The following SYN3 variants were observed in gnomAD, a reference collection of about 807,000 sequenced individuals.
The protein encoded by SYN3 is synapsin-3.
A neutral mutation model predicts 65.8 loss-of-function variants in SYN3; 35 were observed. The ratio of observed to expected loss-of-function variants is 0.53; its 90% confidence interval spans 0.41 to 0.70. SYN3 has a LOEUF of 0.70. Among genes scored for constraint, SYN3 ranks in the 30% least tolerant of loss-of-function variants. SYN3 has a pLI of 0.00. For synonymous variants in SYN3, 270 were observed against 292.9 expected, an observed-to-expected ratio of 0.92 and a Z score of 0.80; for missense variants, 680 against 749.0, an observed-to-expected ratio of 0.91 and a Z score of 1.08.
intron 6 of SYN3, among the ~76,000 whole-genome samples, chr22:32,719,073 T>C (rs1049436124): frequency 6.6e-6 from 1 of 152,230 alleles, no homozygotes; most frequent in African/African-American, 2.4e-5. Flanking sequence ...ACCTTCTCTA[T>C]GAAGCCTTCC....
At chr22:32,709,301 A>G (rs1230485977) in intron 6 of SYN3, among the ~76,000 whole-genome samples, 1 of 152,250 alleles carries the variant, frequency 6.6e-6, no homozygotes, top group African/African-American at 2.4e-5. Context: ...GCATCAAACC[A>G]AGAATAGGAA....
At chr22:32,915,967 T>C (rs573049445) in intron 4 of SYN3, among the ~76,000 whole-genome samples, 54 of 152,308 alleles carry the variant, frequency 3.5e-4, no homozygotes, top group Admixed American at 1.2e-3. Context: ...GTGCCTGTCT[T>C]TGACCACTAG....
At chr22:32,707,698 T>A (rs1279635978) in intron 6 of SYN3, among the ~76,000 whole-genome samples, 1 of 152,080 alleles carries the variant, frequency 6.6e-6, no homozygotes, top group Admixed American at 6.5e-5. Flanking sequence ...CCTTTTCCTA[T>A]CTGTGTCAAT....
intron 6 of SYN3, among the ~76,000 whole-genome samples, chr22:32,663,280 C>A (rs5754194): frequency 0.35 from 53,056 of 150,934 alleles, 11,888 homozygotes; most frequent in East Asian, 0.74. Flanking sequence ...TAAGCCCATT[C>A]AACTTGTTTT....
At chr22:33,007,317 TAAAAG>T (rs1030221381) in intron 1 of SYN3, among the ~76,000 whole-genome samples, 5 of 152,192 alleles carry the variant, frequency 3.3e-5, no homozygotes, top group Admixed American at 2.6e-4. Context: ...ACTTTGGAAA[TAAAAG>T]AAATCAAAGT....
At chr22:32,528,755 C>T in intron 11 of SYN3, 119 bp downstream of exon 11, 1 of 1,414,322 alleles carries the variant, frequency 7.1e-7, no homozygotes, top group African/African-American at 1.4e-5. Context: ...ACCCCCATTC[C>T]TTCTCCCCAA....
rs117151324 is a variant in SYN3, at chr22:32,711,831, G to A, written c.712-115095C>T. 2.6e-3 allele frequency among the ~76,000 whole-genome samples: 403 copies of A among 152,228 alleles called. No homozygotes were observed. In the Middle Eastern group the frequency reaches 0.027, roughly 10 times the overall value. ...TAATACCAAGTTCAAACATCTTCTC[G>A]GAAATGCTTGCTTCCAGGAGTTGGT... is the stretch of plus-strand genomic sequence containing the variant. On this transcript the variant is annotated intron_variant, in intron 6 of 13. Transcript: ENST00000358763.
chr22:32,940,455 AG>A (rs2050904792), intron 3 of SYN3, among the ~76,000 whole-genome samples: 1 of 152,144 alleles, frequency 6.6e-6, no homozygotes, highest in African/African-American at 2.4e-5. Flanking sequence ...AAGGTCATGT[AG>A]GCACTCTCAG....
In SYN3 at chr22:32,891,977, C is replaced by CTAATAATAATAA. The variant is rs57171093; in HGVS notation, c.462-22864_462-22853dup. On this transcript the variant is annotated intron_variant, in intron 4 of 13. Coordinates refer to ENST00000358763, the MANE Select transcript of SYN3 (RefSeq NM_003490.4). Reference sequence around the variant, plus strand: ...GTATTGTTTCAAGATTCCTTTTTAGCTAATAATAATAATAATAATAATAAT... The same window carrying CTAATAATAATAA: ...GTATTGTTTCAAGATTCCTTTTTAGCTAATAATAATAATAATAATAATAATAATAATAATAAT... 3.5e-3 allele frequency among the ~76,000 whole-genome samples: 518 copies of CTAATAATAATAA among 148,288 alleles called. 2 individuals carry two copies. The highest frequency in any genetic ancestry group is 7.9e-3 in the African/African-American group (316 of 40,200).
Position 32,705,763 on chromosome 22 carries a change from T to A in SYN3, c.712-109027A>T, listed in dbSNP as rs981004845. 5.3e-5 allele frequency among the ~76,000 whole-genome samples: 8 copies of A among 152,218 alleles called. No homozygotes were observed. The East Asian group carries it at 1.5e-3, about 29-fold the overall frequency. On this transcript the variant is annotated intron_variant, in intron 6 of 13. Coordinates refer to ENST00000358763, the MANE Select transcript of SYN3 (RefSeq NM_003490.4). ...TGTCTTGTAGTTCTCATTGTAGAGA[T>A]CTGTCACCTCCCTGGTTAGCTGTAT... is the stretch of plus-strand genomic sequence containing the variant.
At chr22:32,561,801 G>A (rs905768006) in intron 7 of SYN3, among the ~76,000 whole-genome samples, 3 of 152,214 alleles carry the variant, frequency 2.0e-5, no homozygotes, top group Admixed American at 6.5e-5. Context: ...AGGCTCCTAC[G>A]TGGGGAAGCC....
intron 6 of SYN3, among the ~76,000 whole-genome samples, chr22:32,834,754 A>G (rs1456239997): frequency 1.3e-5 from 2 of 152,146 alleles, no homozygotes; most frequent in Non-Finnish European, 2.9e-5. Context: ...TGGCCCATAA[A>G]CCCAGAAAAT....
chr22:32,615,432 T>TAAAAAAAA lies in SYN3; in HGVS notation c.712-18704_712-18697dup, dbSNP rs1190319833. On this transcript the variant is annotated intron_variant, in intron 6 of 13. Transcript: ENST00000358763. ...CTGGGCGTCAGAGCAAGACTTCATC[T>TAAAAAAAA]AAAAAAAAAAAAAAAAAAAGAAAAA... Among the ~76,000 whole-genome samples the TAAAAAAAA allele has an allele frequency of 8.4e-3, 626 of 74,250 alleles. 33 individuals carry two copies. Among genetic ancestry groups the TAAAAAAAA allele is most frequent in the African/African-American group, 0.031 (463 of 15,008 alleles). 48.7% of individuals were successfully genotyped at this position (74,250 alleles called of 152,430 possible). A position where few individuals can be genotyped will look rare whatever the true frequency, so the allele number is the denominator to read the frequency against.
intron 4 of SYN3, among the ~76,000 whole-genome samples, chr22:32,901,711 A>C (rs917974575): frequency 4.6e-5 from 7 of 152,244 alleles, no homozygotes; most frequent in Admixed American, 3.9e-4. Context: ...ACAGATGAGG[A>C]AAATGGCACC....
intron 7 of SYN3, among the ~76,000 whole-genome samples, chr22:32,564,291 G>A (rs1439447297): frequency 6.6e-6 from 1 of 152,170 alleles, no homozygotes. Context: ...AGATGAAGAG[G>A]CCCCGGGAGG....
At chr22:32,610,440 C>T (rs1171798268) in intron 6 of SYN3, among the ~76,000 whole-genome samples, 2 of 152,212 alleles carry the variant, frequency 1.3e-5, no homozygotes, top group East Asian at 1.9e-4. Context: ...GAGCCCCTTC[C>T]AGCCTCTGAT....
At chr22:32,955,342 G>A (rs2051419390) in intron 3 of SYN3, among the ~76,000 whole-genome samples, 1 of 152,090 alleles carries the variant, frequency 6.6e-6, no homozygotes, top group Non-Finnish European at 1.5e-5. Flanking sequence ...ATGGAGAAGT[G>A]TGCATGGAAG....
intron 7 of SYN3, among the ~76,000 whole-genome samples, chr22:32,591,705 T>A (rs1453729784): frequency 2.6e-5 from 4 of 152,242 alleles, no homozygotes; most frequent in African/African-American, 4.8e-5. Flanking sequence ...TCAACCTTGA[T>A]ACTCCAGTAG....
At chr22:32,891,005 A>G (rs888640780) in intron 4 of SYN3, among the ~76,000 whole-genome samples, 2 of 152,186 alleles carry the variant, frequency 1.3e-5, no homozygotes, top group African/African-American at 4.8e-5. Context: ...TCTGGGAGGC[A>G]GAACTGAGAC....
Sources: gnomAD v4.1 joint callset for allele counts (sites outside exome capture counted in the v4.1 genomes callset) on GRCh38, gnomAD v4.1.1 for gene constraint, MANE v1.5 for transcripts, NCBI Gene and HGNC (gene_info 2026-07-23, HGNC 2026-07-21) for gene names.